Variants in DLG2 observed in about 807,000 individuals in gnomAD.
DLG2 encodes discs large MAGUK scaffold protein 2.
Under a neutral mutation model 132.5 loss-of-function variants are expected in DLG2, and 45 were observed. That is an observed-to-expected ratio of 0.34 (90% confidence interval 0.27 to 0.44). The LOEUF is 0.44. Ranked by LOEUF, DLG2 falls within the 20% of genes least tolerant of loss-of-function variation. The pLI is 1.00. For missense variants in DLG2, 1,045 were observed against 1,196.9 expected, an observed-to-expected ratio of 0.87 and a Z score of 1.87; for synonymous variants, 424 against 419.6, an observed-to-expected ratio of 1.01 and a Z score of -0.13.
At chr11:83,555,490 T>G (rs2096496578) in intron 19 of DLG2, among the ~76,000 whole-genome samples, 1 of 152,194 alleles carries the variant, frequency 6.6e-6, no homozygotes, top group South Asian at 2.1e-4. Context: ...GGTACAGTGG[T>G]GGCAATAGGA....
intron 3 of DLG2, among the ~76,000 whole-genome samples, chr11:85,411,687 T>C (rs1205385934): frequency 6.6e-6 from 1 of 151,886 alleles, no homozygotes; most frequent in Non-Finnish European, 1.5e-5. Flanking sequence ...TGTAAAATGA[T>C]AGATGATACA....
intron 6 of DLG2, among the ~76,000 whole-genome samples, chr11:85,110,062 T>C (rs563540758): frequency 2.0e-5 from 3 of 152,136 alleles, no homozygotes; most frequent in African/African-American, 4.8e-5. Context: ...GTGGATATAC[T>C]AGGACCCCAA....
chr11:84,689,856 T>C (rs1045640323), intron 6 of DLG2, among the ~76,000 whole-genome samples: 4 of 151,476 alleles, frequency 2.6e-5, no homozygotes, highest in African/African-American at 7.3e-5. Context: ...ATAATTAAGA[T>C]AAAGAGAAGA....
chr11:84,975,504 C>T (rs2054771384), intron 6 of DLG2, among the ~76,000 whole-genome samples: 1 of 152,266 alleles, frequency 6.6e-6, no homozygotes, highest in African/African-American at 2.4e-5. Flanking sequence ...AGAAATACAA[C>T]AAAGTGATAA....
At chr11:84,912,699 A>G (rs572987147) in intron 6 of DLG2, among the ~76,000 whole-genome samples, 91 of 152,320 alleles carry the variant, frequency 6.0e-4, no homozygotes, top group African/African-American at 1.7e-3. Flanking sequence ...GTTTTTCCAC[A>G]TCTCCTATAT....
At chr11:83,931,155 A>G (rs1240747399) in intron 14 of DLG2, among the ~76,000 whole-genome samples, 2 of 152,234 alleles carry the variant, frequency 1.3e-5, no homozygotes, top group Non-Finnish European at 2.9e-5. Flanking sequence ...TAATATATTT[A>G]ATTATGTTTG....
intron 18 of DLG2, among the ~76,000 whole-genome samples, chr11:83,732,512 A>C (rs1304025951): frequency 6.6e-6 from 1 of 152,200 alleles, no homozygotes; most frequent in Non-Finnish European, 1.5e-5. Flanking sequence ...TTTAACAGTG[A>C]ATTTTCCGTG....
intron 6 of DLG2, among the ~76,000 whole-genome samples, chr11:84,626,149 A>T (rs574625886): frequency 6.6e-6 from 1 of 152,332 alleles, no homozygotes; most frequent in South Asian, 2.1e-4. Flanking sequence ...CCCTGCATTA[A>T]ATAATATGGT....
chr11:84,317,202 C>T (rs987601276), intron 7 of DLG2: 6 of 1,541,128 alleles, frequency 3.9e-6, no homozygotes, highest in Non-Finnish European at 4.4e-6. Flanking sequence ...TGTCTCCTCC[C>T]TCACACCCCT....
In DLG2 at chr11:84,969,379, C is replaced by T. The variant is rs995536290; in HGVS notation, c.357+142282G>A. 1.4e-3 allele frequency among the ~76,000 whole-genome samples: 217 copies of T among 152,268 alleles called. 2 individuals carry two copies. Among genetic ancestry groups the T allele is most frequent in the Non-Finnish European group, 1.2e-4 (8 of 68,030 alleles). Reference sequence around the variant, plus strand: ...TCTGCTTCCTACCACTGAATCCTGGCTTATCTCCTCACCAAAACCACAGTG... The same window carrying T: ...TCTGCTTCCTACCACTGAATCCTGGTTTATCTCCTCACCAAAACCACAGTG... On this transcript the variant is annotated intron_variant, in intron 6 of 27. Coordinates refer to ENST00000376104, the MANE Select transcript of DLG2 (RefSeq NM_001142699.3).
chr11:84,102,107 G>T (rs1187873852), intron 9 of DLG2, among the ~76,000 whole-genome samples: 1 of 152,028 alleles, frequency 6.6e-6, no homozygotes, highest in African/African-American at 2.4e-5. Context: ...TTGAAGATGT[G>T]GCTCAGACGG....
rs376856397 is a variant in DLG2 at position 84,389,693 on chromosome 11, C to T, written c.520-138402G>A. Reference sequence around the variant, plus strand: ...TTAAATCAATTAAATCAATGTGAAACATAACCAAGATTATATTAATATTTG... The same window carrying T: ...TTAAATCAATTAAATCAATGTGAAATATAACCAAGATTATATTAATATTTG... On this transcript the variant is annotated intron_variant, in intron 7 of 27. Coordinates refer to ENST00000376104, the MANE Select transcript of DLG2 (RefSeq NM_001142699.3). Among the ~76,000 whole-genome samples the T allele has an allele frequency of 3.9e-5, 6 of 152,072 alleles. No homozygotes were observed. The East Asian group carries it at 7.7e-4, about 20-fold the overall frequency.
In DLG2 at chr11:85,388,842, C is replaced by T. The variant is rs185625252; in HGVS notation, c.41-103477G>A. ...CAGCACCGCCATGGGACAAAAAAAT[C>T]GGAACAGAAGCCCTTGAGTCCCAGA... is the stretch of plus-strand genomic sequence containing the variant. On this transcript the variant is annotated intron_variant, in intron 3 of 27. Transcript: ENST00000376104. Among the ~76,000 whole-genome samples the T allele has an allele frequency of 3.3e-4, 50 of 152,252 alleles. 1 individual carries two copies. Among genetic ancestry groups the T allele is most frequent in the African/African-American group, 9.1e-4 (38 of 41,556 alleles).
intron 3 of DLG2, among the ~76,000 whole-genome samples, chr11:85,527,181 T>A (rs866871278): frequency 9.9e-5 from 15 of 152,006 alleles, no homozygotes; most frequent in South Asian, 2.1e-4. Flanking sequence ...TTTTTATTTT[T>A]TTTTTTTTTT....
chr11:84,553,543 G>A (rs1363690657), intron 6 of DLG2, among the ~76,000 whole-genome samples: 2 of 152,142 alleles, frequency 1.3e-5, no homozygotes, highest in Non-Finnish European at 2.9e-5. Flanking sequence ...GCAGTTTCTT[G>A]GAGAATAAGA....
chr11:83,985,386 A>G (rs960489199), intron 11 of DLG2, among the ~76,000 whole-genome samples: 3 of 151,764 alleles, frequency 2.0e-5, no homozygotes, highest in African/African-American at 7.3e-5. Flanking sequence ...TACATATGCA[A>G]TATGTCCAGG....
At chr11:84,065,982 C>T (rs7126268) in intron 10 of DLG2, among the ~76,000 whole-genome samples, 120,420 of 152,066 alleles carry the variant, frequency 0.79, 48,994 homozygotes, top group Middle Eastern at 0.92. Context: ...ACCAAATACT[C>T]CATGATCTCA....
At chr11:84,179,115 A>C (rs2096053812) in intron 8 of DLG2, among the ~76,000 whole-genome samples, 1 of 152,150 alleles carries the variant, frequency 6.6e-6, no homozygotes, top group Admixed American at 6.6e-5. Flanking sequence ...AAATTAAAGT[A>C]TGACAACAAT....
At chr11:84,236,056 A>AC (rs2097154337) in intron 8 of DLG2, among the ~76,000 whole-genome samples, 1 of 151,768 alleles carries the variant, frequency 6.6e-6, no homozygotes, top group Non-Finnish European at 1.5e-5. Flanking sequence ...TATTAAAAAA[A>AC]AAAAAAAACA....
Sources: allele counts gnomAD v4.1 joint callset (sites outside exome capture counted in the v4.1 genomes callset), GRCh38; gene constraint gnomAD v4.1.1; transcripts MANE v1.5; gene names NCBI Gene and HGNC (gene_info 2026-07-23, HGNC 2026-07-21).